Variants in CCDC150 observed in about 807,000 individuals in gnomAD.
CCDC150 encodes coiled-coil domain containing 150.
Under a neutral mutation model 156.5 loss-of-function variants are expected in CCDC150, and 151 were observed. The ratio of observed to expected loss-of-function variants is 0.97; its 90% CI spans 0.85 to 1.10. The LOEUF (loss-of-function observed/expected upper bound fraction) is 1.10. Ranked by LOEUF, CCDC150 falls within the 50% of genes least tolerant of loss-of-function variation. CCDC150 has a pLI of 0.00. For missense variants in CCDC150, 1,312 were observed against 1,268.1 expected (o/e 1.03, Z -0.53); for synonymous variants, 452 against 429.4 (o/e 1.05, Z -0.65).
At chr2:196,649,354 T>C (rs981077089) in intron 2 of CCDC150, among the ~76,000 whole-genome samples, 1 of 152,182 alleles carries the variant, frequency 6.6e-6, no homozygotes, top group African/African-American at 2.4e-5. Flanking sequence ...TCCCATAAGA[T>C]TGTAATGGAG....
intron 8 of CCDC150, among the ~76,000 whole-genome samples, chr2:196,670,516 C>G (rs959621555): frequency 6.6e-5 from 10 of 150,690 alleles, no homozygotes; most frequent in Admixed American, 2.6e-4. Flanking sequence ...CAATGCACAT[C>G]TGTATCACTT....
At chr2:196,668,053 C>T (rs1693956976) in intron 7 of CCDC150, 1 of 152,284 alleles carries the variant, frequency 6.6e-6, no homozygotes. Flanking sequence ...AATCCCAGCA[C>T]TTGGGGAGGC....
intron 15 of CCDC150, 88 bp from the exon 16 acceptor site, chr2:196,712,057 C>A: frequency 2.4e-6 from 1 of 413,494 alleles, no homozygotes. Flanking sequence ...CCTTTTTCCC[C>A]CTTCTGGAGT....
chr2:196,654,557 C>A (rs927072450), intron 2 of CCDC150, among the ~76,000 whole-genome samples: 3 of 151,556 alleles, frequency 2.0e-5, no homozygotes, highest in Non-Finnish European at 4.4e-5. Context: ...TTTTTCATTT[C>A]TCTTATTGTA....
Position 196,666,775 on chromosome 2 carries a change from A to G in CCDC150, c.819A>G (p.Gln273=). 1 of 1,613,504 alleles carries G rather than the reference A, an allele frequency of 6.2e-7. No homozygotes were observed. Among genetic ancestry groups the G allele is most frequent in the South Asian group, 1.1e-5 (1 of 91,016 alleles). Residue 273 remains glutamine (Q), a synonymous_variant, in exon 7 of 28, where the codon CAA becomes CAG. Transcript: ENST00000389175. ...TACGTGATTCTATACAGAGCGCTCA[A>G]GAACTACTGGCCCAGGAACAAAAAA... The part of the protein sequence containing the change: ...IALRDSIQSA[Q]ELLAQEQKKK...
At chr2:196,650,856 A>C (rs896794733) in intron 2 of CCDC150, among the ~76,000 whole-genome samples, 1 of 152,230 alleles carries the variant, frequency 6.6e-6, no homozygotes, top group African/African-American at 2.4e-5. Flanking sequence ...TTTGAAAAGA[A>C]TGGGTATTCT....
rs372183162 is a variant in CCDC150, at chr2:196,730,924, A to T, written c.3048A>T (p.Glu1016Asp). The change falls in exon 26 of 28, where the codon GAA becomes GAT. Residue 1016 changes from glutamate to aspartate, a missense_variant. Coordinates refer to ENST00000389175, the MANE Select transcript of CCDC150 (RefSeq NM_001080539.2). ...CKEATENTLKEASVESEQITA... is the reference protein window; with the variant it reads ...CKEATENTLKDASVESEQITA... ...AGGCAACAGAGAATACGCTGAAAGAAGCCAGTGTGGAATCAGAACAGGTGA... is the reference window on the plus strand; with the variant it reads ...AGGCAACAGAGAATACGCTGAAAGATGCCAGTGTGGAATCAGAACAGGTGA... 6 of 1,599,020 alleles carry T rather than the reference A, an allele frequency of 3.8e-6. No homozygotes were observed. In the African/African-American group the frequency reaches 8.0e-5, roughly 21 times the overall value.
At position 196,663,400 on chromosome 2, in the gene CCDC150, A is replaced by T. The variant is rs1462164675; in HGVS notation, c.646-2167A>T. Among the ~76,000 whole-genome samples, 6 of 152,188 alleles carry T rather than the reference A, an allele frequency of 3.9e-5. No individual in the cohort carries two copies. In the East Asian group the frequency reaches 1.2e-3, roughly 29 times the overall value. ...ACCAAAGAAATCCAAAATTATTAAG[A>T]TGTTAGTTTTCATTTATTGGATCAG... On this transcript the variant is annotated intron_variant, in intron 5 of 27. Coordinates refer to ENST00000389175, the MANE Select transcript of CCDC150 (RefSeq NM_001080539.2).
chr2:196,729,527 A>G, intron 23 of CCDC150, 140 bp downstream of exon 23: 1 of 812,116 alleles, frequency 1.2e-6, no homozygotes, highest in Non-Finnish European at 2.0e-6. Context: ...CTTTGGGGAG[A>G]CTTTTTCAGT....
chr2:196,714,740 CACT>C (rs955748967), intron 17 of CCDC150, among the ~76,000 whole-genome samples: 5 of 152,122 alleles, frequency 3.3e-5, no homozygotes, highest in Non-Finnish European at 7.4e-5. Flanking sequence ...TCTCCTGCCT[CACT>C]ACTATTTAGA....
At chr2:196,664,937 C>T (rs1693756854) in intron 5 of CCDC150, among the ~76,000 whole-genome samples, 2 of 152,150 alleles carry the variant, frequency 1.3e-5, no homozygotes, top group South Asian at 4.1e-4. Context: ...TCGGTTTGGT[C>T]TGCTACTTAA....
chr2:196,732,683 A>AT lies in CCDC150; in HGVS notation c.*125dup. On this transcript the variant is annotated 3_prime_UTR_variant, in exon 28 of 28. Transcript: ENST00000389175. Reference sequence around the variant, plus strand: ...ATGAAGTCTTTGATGTGGGCTGAAGATTTTGGACCTGAGTTTATCACTTTA... The same window carrying AT: ...ATGAAGTCTTTGATGTGGGCTGAAGATTTTTGGACCTGAGTTTATCACTTTA... The AT allele has an allele frequency of 1.5e-6, 1 of 676,318 alleles. No homozygotes were observed. Among genetic ancestry groups the AT allele is most frequent in the Non-Finnish European group, 2.6e-6 (1 of 382,622 alleles). 41.9% of individuals were successfully genotyped at this position (676,318 alleles called of 1,614,324 possible). A position where few individuals can be genotyped will look rare whatever the true frequency, so the allele number is the denominator to read the frequency against.
chr2:196,687,221 C>T (rs1695174339), intron 13 of CCDC150, among the ~76,000 whole-genome samples: 1 of 152,202 alleles, frequency 6.6e-6, no homozygotes, highest in Non-Finnish European at 1.5e-5. Context: ...AATTTACACT[C>T]CCACCAACAG....
chr2:196,686,976 A>G (rs1434212337), intron 13 of CCDC150, among the ~76,000 whole-genome samples: 2 of 152,156 alleles, frequency 1.3e-5, no homozygotes, highest in Non-Finnish European at 2.9e-5. Context: ...TCCATGGTGT[A>G]TATGTACCAC....
At chr2:196,715,795 A>G (rs563292062) in intron 17 of CCDC150, among the ~76,000 whole-genome samples, 10 of 152,178 alleles carry the variant, frequency 6.6e-5, no homozygotes, top group Non-Finnish European at 1.5e-4. Flanking sequence ...ATGATCTTGG[A>G]TTACACAAAG....
At chr2:196,668,005 A>G (rs1261726049) in intron 7 of CCDC150, 1 of 152,188 alleles carries the variant, frequency 6.6e-6, no homozygotes, top group Non-Finnish European at 1.5e-5. Flanking sequence ...CATTCTATAG[A>G]AGATACAAAA....
intron 17 of CCDC150, among the ~76,000 whole-genome samples, chr2:196,714,125 A>G (rs974632804): frequency 2.6e-5 from 4 of 152,230 alleles, no homozygotes; most frequent in African/African-American, 4.8e-5. Context: ...AGAGTGGGCT[A>G]CTATTACCGG....
rs781210543 is a variant in CCDC150 at position 196,712,227 on chromosome 2, A to C, written c.1778A>C (p.Lys593Thr). Reference protein sequence around the residue: ...LQNDHLRKMNKYLQTKYAQAN... With the variant: ...LQNDHLRKMNTYLQTKYAQAN... ...AATGATCATCTACGCAAGATGAATAAGTATTTACAGACTAAATATGCTCAG... is the reference window on the plus strand; with the variant it reads ...AATGATCATCTACGCAAGATGAATACGTATTTACAGACTAAATATGCTCAG... Residue 593 changes from lysine (K) to threonine (T), a missense_variant, in exon 16 of 28, where the codon AAG (lysine) becomes ACG (threonine). Lys to Thr is a moderately conservative substitution (Grantham distance 78). Transcript: ENST00000389175. 4.5e-6 allele frequency: 7 copies of C among 1,557,134 alleles called. No individual in the cohort carries two copies. The highest frequency in any genetic ancestry group is 6.1e-6 in the Non-Finnish European group (7 of 1,143,140).
chr2:196,676,619 CTG>C lies in CCDC150; in HGVS notation c.1331_1332del (p.Val444AlafsTer15). 6.2e-7 allele frequency: 1 copy of C among 1,613,600 alleles called. No homozygotes were observed. Among genetic ancestry groups the C allele is most frequent in the Non-Finnish European group, 8.5e-7 (1 of 1,179,626 alleles). On this transcript the variant is annotated frameshift_variant, in exon 12 of 28. Transcript: ENST00000389175. LOFTEE classifies it high-confidence loss of function. ...GCACAGGATGCTGAAAAGAGAACAG[CTG>C]TGCAAAAAGAGCTGCTAGAATCAAC...
Sources: allele counts gnomAD v4.1 joint callset (sites outside exome capture counted in the v4.1 genomes callset), GRCh38; gene constraint gnomAD v4.1.1; transcripts MANE v1.5; gene names NCBI Gene and HGNC (gene_info 2026-07-23, HGNC 2026-07-21).